The following CSMD3 variants were observed in gnomAD, a reference collection of about 807,000 sequenced individuals.
CSMD3 encodes the protein CUB and sushi domain-containing protein 3.
In CSMD3, 177 loss-of-function variants were observed where a neutral mutation model predicts 435.2. The observed-to-expected ratio is 0.41, with a 90% CI of 0.36 to 0.46. The LOEUF is 0.46. Among genes scored for constraint, CSMD3 ranks in the 20% least tolerant of loss-of-function variants. The probability of loss-of-function intolerance (pLI) is 0.34; values close to 1 mark genes in which losing one functional copy is unlikely to be tolerated. For missense variants in CSMD3, 4,265 were observed against 4,504.6 expected, an observed-to-expected ratio of 0.95 and a Z score of 1.52; for synonymous variants, 1,656 against 1,520.5, an observed-to-expected ratio of 1.09 and a Z score of -2.07.
intron 12 of CSMD3, among the ~76,000 whole-genome samples, chr8:112,806,079 A>C (rs2079078515): frequency 6.6e-6 from 1 of 152,148 alleles, no homozygotes; most frequent in Admixed American, 6.6e-5. Context: ...GCCTTAAAAA[A>C]AAAAACTATT....
chr8:113,340,868 CAAA>C (rs5894141), intron 1 of CSMD3, among the ~76,000 whole-genome samples: 14 of 143,100 alleles, frequency 9.8e-5, no homozygotes, highest in Admixed American at 1.4e-4. Flanking sequence ...GACTTTGTCT[CAAA>C]AAAAAAAAAA....
At chr8:112,444,380 A>C (rs1440159355) in intron 32 of CSMD3, among the ~76,000 whole-genome samples, 1 of 152,186 alleles carries the variant, frequency 6.6e-6, no homozygotes, top group East Asian at 1.9e-4. Context: ...AAATAAAGAG[A>C]AATGACAACA....
intron 12 of CSMD3, among the ~76,000 whole-genome samples, chr8:112,817,158 C>T (rs1430219519): frequency 4.6e-5 from 7 of 152,036 alleles, no homozygotes. Flanking sequence ...TTAGTTCTTA[C>T]AGTGTTACCA....
At chr8:113,411,403 G>T (rs1235194284) in intron 1 of CSMD3, among the ~76,000 whole-genome samples, 1 of 152,004 alleles carries the variant, frequency 6.6e-6, no homozygotes, top group Non-Finnish European at 1.5e-5. Context: ...TTGTGTTCCC[G>T]TTCAAACAAC....
Position 113,302,298 on chromosome 8 carries a change from TAA to T in CSMD3, c.401+12271_401+12272del, listed in dbSNP as rs1229354535. Among the ~76,000 whole-genome samples, 102 of 7,232 alleles carry T rather than the reference TAA, an allele frequency of 0.014. No homozygotes were observed. In the East Asian group the frequency reaches 0.3, roughly 21 times the overall value. The allele number at this position is 7,232 out of a possible 152,430, so 4.7% of individuals were successfully genotyped here. ...TATAATTATAATATATAATATAATA[TAA>T]TATATATATTATATATATAATAATA... On this transcript the variant is annotated intron_variant, in intron 2 of 70. Coordinates refer to ENST00000297405, the MANE Select transcript of CSMD3 (RefSeq NM_198123.2).
At chr8:113,060,917 C>T (rs189647287) in intron 5 of CSMD3, among the ~76,000 whole-genome samples, 193 of 152,240 alleles carry the variant, frequency 1.3e-3, no homozygotes, top group African/African-American at 4.5e-3. Flanking sequence ...TTGCCAACAC[C>T]AATAATACCC....
intron 5 of CSMD3, among the ~76,000 whole-genome samples, chr8:113,081,773 C>T (rs1261985217): frequency 2.0e-5 from 3 of 152,064 alleles, no homozygotes; most frequent in Non-Finnish European, 4.4e-5. Flanking sequence ...CAAGCTTGAC[C>T]CAGCAGTATA....
rs974007153 is a variant in CSMD3, at chr8:113,151,738, C to A, written c.709+21984G>T. On this transcript the variant is annotated intron_variant, in intron 4 of 70. Transcript: ENST00000297405. ...CAGACACTTTGATGTAGTGAGACTACCTACAGAGTCAAGATTATTTAAAAT... is the reference window on the plus strand; with the variant it reads ...CAGACACTTTGATGTAGTGAGACTAACTACAGAGTCAAGATTATTTAAAAT... 2.0e-5 allele frequency among the ~76,000 whole-genome samples: 3 copies of A among 151,900 alleles called. No individual in the cohort carries two copies. The East Asian group carries it at 5.8e-4, about 30-fold the overall frequency.
chr8:113,079,571 A>T (rs776629758), intron 5 of CSMD3, among the ~76,000 whole-genome samples: 2 of 152,148 alleles, frequency 1.3e-5, no homozygotes, highest in Non-Finnish European at 2.9e-5. Context: ...TATTAGAGAA[A>T]AATGAAGACT....
chr8:113,423,285 C>A (rs2129971349), intron 1 of CSMD3, among the ~76,000 whole-genome samples: 1 of 152,140 alleles, frequency 6.6e-6, no homozygotes, highest in South Asian at 2.1e-4. Flanking sequence ...ATGATGAAAT[C>A]TAACTAATTA....
chr8:112,653,365 A>T (rs1442622041), intron 18 of CSMD3, among the ~76,000 whole-genome samples: 1 of 152,124 alleles, frequency 6.6e-6, no homozygotes, highest in Non-Finnish European at 1.5e-5. Context: ...ATTCTTTTAG[A>T]TGTCTAACAT....
intron 22 of CSMD3, among the ~76,000 whole-genome samples, chr8:112,611,350 T>G (rs1238440644): frequency 6.6e-6 from 1 of 152,164 alleles, no homozygotes; most frequent in East Asian, 1.9e-4. Flanking sequence ...TTCTCTGAAG[T>G]GTACCAAATT....
At chr8:113,424,290 T>A (rs1020691920) in intron 1 of CSMD3, among the ~76,000 whole-genome samples, 1 of 151,772 alleles carries the variant, frequency 6.6e-6, no homozygotes, top group Non-Finnish European at 1.5e-5. Context: ...TTCCCCATTA[T>A]GTCTTCATTT....
chr8:112,635,721 A>G (rs1485463747), intron 22 of CSMD3, among the ~76,000 whole-genome samples: 1 of 152,184 alleles, frequency 6.6e-6, no homozygotes, highest in East Asian at 1.9e-4. Flanking sequence ...TTGGATGATC[A>G]TATTTTTTGG....
At chr8:112,935,455 A>G (rs2083251836) in intron 9 of CSMD3, among the ~76,000 whole-genome samples, 2 of 152,102 alleles carry the variant, frequency 1.3e-5, no homozygotes, top group Non-Finnish European at 2.9e-5. Context: ...TGTCATTGGT[A>G]TTTTGTTTGA....
At chr8:112,662,226 G>T (rs2075399870) in intron 17 of CSMD3, among the ~76,000 whole-genome samples, 1 of 152,098 alleles carries the variant, frequency 6.6e-6, no homozygotes, top group African/African-American at 2.4e-5. Flanking sequence ...TCAATCCTAA[G>T]CCAAAAGAAC....
intron 5 of CSMD3, among the ~76,000 whole-genome samples, chr8:113,081,934 C>T (rs1389338664): frequency 6.6e-6 from 1 of 152,114 alleles, no homozygotes; most frequent in Non-Finnish European, 1.5e-5. Context: ...CCTGCAGCTG[C>T]CAGCAAGAAC....
At chr8:112,581,723 C>G (rs983782041) in intron 23 of CSMD3, among the ~76,000 whole-genome samples, 1 of 151,930 alleles carries the variant, frequency 6.6e-6, no homozygotes, top group Non-Finnish European at 1.5e-5. Flanking sequence ...TTATAGCATG[C>G]GTTCTATTGG....
chr8:112,937,125 T>C (rs544234134), intron 9 of CSMD3, among the ~76,000 whole-genome samples: 6 of 152,220 alleles, frequency 3.9e-5, no homozygotes, highest in African/African-American at 1.4e-4. Context: ...TGAGTATTTT[T>C]ATAAGCCATA....
Sources: allele counts gnomAD v4.1 joint callset (sites outside exome capture counted in the v4.1 genomes callset), GRCh38; gene constraint gnomAD v4.1.1; transcripts MANE v1.5; gene names NCBI Gene and HGNC (gene_info 2026-07-23, HGNC 2026-07-21).